The following ALG12 variants were observed in gnomAD, a reference collection of about 807,000 sequenced individuals.
ALG12 encodes dol-P-Man:Man(7)GlcNAc(2)-PP-Dol alpha-1,6-mannosyltransferase.
Under a neutral mutation model 46.0 loss-of-function variants are expected in ALG12, and 36 were observed. That is an observed-to-expected ratio of 0.78 (90% CI 0.60 to 1.03). ALG12 has a LOEUF of 1.03. ALG12 is among the 50% of genes least tolerant of loss of function. The pLI, the probability that ALG12 is intolerant of heterozygous loss-of-function variation, is 0.00. For missense variants in ALG12, 599 were observed against 633.5 expected (o/e 0.95, Z 0.58); for synonymous variants, 326 against 291.6 (o/e 1.12, Z -1.20).
the ALG12 span, among the ~76,000 whole-genome samples, chr22:49,883,160 TG>T: frequency 6.6e-6 from 1 of 152,208 alleles, no homozygotes; most frequent in Non-Finnish European, 1.5e-5. Flanking sequence ...TTTTGCAATT[TG>T]GGGGTATTGT....
intron 1 of ALG12, among the ~76,000 whole-genome samples, chr22:49,917,141 C>G (rs2060615469): frequency 6.6e-6 from 1 of 152,252 alleles, no homozygotes; most frequent in Non-Finnish European, 1.5e-5. Flanking sequence ...ACGAACCCCC[C>G]ACCAGGCGAG....
At chr22:49,879,307 AG>A in the ALG12 span, among the ~76,000 whole-genome samples, 2 of 147,892 alleles carry the variant, frequency 1.4e-5, no homozygotes, top group African/African-American at 5.1e-5. Flanking sequence ...TTGTATTTTT[AG>A]TAGAGACCAG....
downstream of ALG12, among the ~76,000 whole-genome samples, chr22:49,898,047 G>A (rs1261075902): frequency 1.3e-5 from 2 of 151,254 alleles, no homozygotes; most frequent in African/African-American, 4.9e-5. Flanking sequence ...ATATATTGGA[G>A]ACCAGTGAGA....
At chr22:49,860,463 A>G in the ALG12 span, among the ~76,000 whole-genome samples, 1 of 152,246 alleles carries the variant, frequency 6.6e-6, no homozygotes. Context: ...CCACTCCTGT[A>G]AGAAAACTGC....
intron 6 of ALG12, among the ~76,000 whole-genome samples, chr22:49,908,812 T>C (rs2146605738): frequency 6.7e-6 from 1 of 150,098 alleles, no homozygotes; most frequent in South Asian, 2.1e-4. Flanking sequence ...ATTAGCCAGG[T>C]GTGGTGGCGT....
chr22:49,883,762 C>T, the ALG12 span: 7 of 1,612,836 alleles, frequency 4.3e-6, no homozygotes, highest in Admixed American at 3.3e-5. Context: ...TGGAATTCCT[C>T]CTGATAGTTT....
At chr22:49,869,210 A>G in the ALG12 span, among the ~76,000 whole-genome samples, 1 of 151,936 alleles carries the variant, frequency 6.6e-6, no homozygotes. Context: ...TGGCGGTGTC[A>G]GTGTGAAGTT....
chr22:49,880,944 ACCT>A, the ALG12 span, among the ~76,000 whole-genome samples: 1 of 152,132 alleles, frequency 6.6e-6, no homozygotes, highest in Non-Finnish European at 1.5e-5. Context: ...TCTTTTTAAG[ACCT>A]GTATACTTGT....
chr22:49,878,856 G>A, the ALG12 span, among the ~76,000 whole-genome samples: 9 of 151,838 alleles, frequency 5.9e-5, no homozygotes, highest in Non-Finnish European at 1.2e-4. Flanking sequence ...AAAATGAGCC[G>A]GGAGTGGGCC....
At chr22:49,878,763 C>T in the ALG12 span, among the ~76,000 whole-genome samples, 2,564 of 152,034 alleles carry the variant, frequency 0.017, 76 homozygotes, top group African/African-American at 0.058. Context: ...AATTAGAAGA[C>T]GAGGTGGGTG....
In ALG12 at chr22:49,910,438, A is replaced by G. The variant is rs201564211; in HGVS notation, c.465T>C (p.Pro155=). 106 of 1,613,364 alleles carry G rather than the reference A, an allele frequency of 6.6e-5. 1 individual carries two copies. The Admixed American group carries it at 1.7e-3, about 26-fold the overall frequency. The stretch of plus-strand genomic sequence containing the variant: ...GCCCGGCCGGCAGCTACGTACCTAC[A>G]GGCAGGGCCAGCACATTGGGCAGTG... ...TRTLPNVLAL[P]VVLLALAAWL... is the part of the protein sequence containing the mutation. Residue 155 remains proline (P), a synonymous_variant, in exon 4 of 10, where the codon CCT becomes CCC. Coordinates refer to ENST00000330817, the MANE Select transcript of ALG12 (RefSeq NM_024105.4).
Position 49,913,780 on chromosome 22 carries a change from T to G in ALG12, c.-15A>C. 6.2e-7 allele frequency: 1 copy of G among 1,612,460 alleles called. No individual in the cohort carries two copies. ...TTTCCAGCCATTCCAGGCTTTCAGCTTCACGTACCTTCACAGGCCAACAGT... is the reference window on the plus strand; with the variant it reads ...TTTCCAGCCATTCCAGGCTTTCAGCGTCACGTACCTTCACAGGCCAACAGT... On this transcript the variant is annotated 5_prime_UTR_variant, in exon 2 of 10. Coordinates refer to ENST00000330817, the MANE Select transcript of ALG12 (RefSeq NM_024105.4).
chr22:49,862,669 C>G, the ALG12 span, among the ~76,000 whole-genome samples: 2 of 147,306 alleles, frequency 1.4e-5, no homozygotes, highest in African/African-American at 5.1e-5. Flanking sequence ...AACTGAGTAC[C>G]TCTAAATATT....
At position 49,909,246 on chromosome 22, in the gene ALG12, C is replaced by G. The variant is rs1250314100; in HGVS notation, c.766G>C (p.Gly256Arg). ...CCTGCACGGACACTGAAGGATACCC[C>G]CCAGTTGGAGCTTTTGTTCAGGACA... is the stretch of plus-strand genomic sequence containing the variant. ...NTVLNKSSNW[G>R]TSPLLWYFYS... Residue 256 changes from glycine (G) to arginine (R), a missense_variant and splice_region_variant, in exon 6 of 10, where the codon GGG becomes CGG. Physicochemically the swap from Gly to Arg is moderately radical, Grantham distance 125 (BLOSUM62 -2). Coordinates refer to ENST00000330817, the MANE Select transcript of ALG12 (RefSeq NM_024105.4). 6.2e-7 allele frequency: 1 copy of G among 1,614,104 alleles called. No homozygotes were observed. Among genetic ancestry groups the G allele is most frequent in the Non-Finnish European group, 8.5e-7 (1 of 1,179,922 alleles).
At chr22:49,883,644 G>C in the ALG12 span, 1 of 1,524,702 alleles carries the variant, frequency 6.6e-7, no homozygotes, top group Non-Finnish European at 8.9e-7. Flanking sequence ...AGATACAGCC[G>C]GAGTAGTTAT....
intron 1 of ALG12, among the ~76,000 whole-genome samples, chr22:49,915,398 A>T (rs1188531279): frequency 6.6e-6 from 1 of 151,910 alleles, no homozygotes; most frequent in Non-Finnish European, 1.5e-5. Context: ...CTCTACTAAA[A>T]ATACAAAAAT....
the ALG12 span, among the ~76,000 whole-genome samples, chr22:49,860,965 G>C: frequency 6.8e-6 from 1 of 147,436 alleles, no homozygotes; most frequent in South Asian, 2.2e-4. Context: ...CTTTAGTAGA[G>C]ATGGGGTTTC....
Position 49,909,776 on chromosome 22 carries a change from T to C in ALG12, c.664+118A>G. The C allele has an allele frequency of 5.0e-6, 7 of 1,406,144 alleles. No homozygotes were observed. In the Admixed American group the frequency reaches 1.1e-4, roughly 22 times the overall value. The allele number at this position is 1,406,144 out of a possible 1,614,324, so 87.1% of individuals were successfully genotyped here. ...CTTAGGATTGAAATGTTTTCAACACTGCTAAATTTAGGGTCATTTTATTTC... is the reference window on the plus strand; with the variant it reads ...CTTAGGATTGAAATGTTTTCAACACCGCTAAATTTAGGGTCATTTTATTTC... On this transcript the variant is annotated intron_variant, in intron 5 of 9. Coordinates refer to ENST00000330817, the MANE Select transcript of ALG12 (RefSeq NM_024105.4).
Position 49,903,989 on chromosome 22 carries a change from C to G in ALG12, c.1316G>C (p.Gly439Ala). ...YTHILMEAAP[G>A]LLALYRDTHR... ...TGTGTCCCTGTAGAGGGCCAGGAGC[C>G]CAGGGGCCGCCTCCATGAGGATGTG... The change falls in exon 10 of 10, where the codon GGG becomes GCG. Residue 439 changes from glycine to alanine, a missense_variant. By Grantham distance (60) the Gly-to-Ala change is moderately conservative (BLOSUM62 0). Transcript: ENST00000330817. 6.2e-7 allele frequency: 1 copy of G among 1,614,196 alleles called. No individual in the cohort carries two copies. The highest frequency in any genetic ancestry group is 8.5e-7 in the Non-Finnish European group (1 of 1,180,020).
Sources: gnomAD v4.1 joint callset for allele counts (sites outside exome capture counted in the v4.1 genomes callset) on GRCh38, gnomAD v4.1.1 for gene constraint, MANE v1.5 for transcripts, NCBI Gene and HGNC (gene_info 2026-07-23, HGNC 2026-07-21) for gene names.